Variants in SAMD9L observed in about 807,000 individuals in gnomAD.
The protein encoded by SAMD9L is sterile alpha motif domain-containing protein 9-like.
SAMD9L carries 68 observed loss-of-function variants against 90.7 expected under a neutral mutation model. The ratio of observed to expected loss-of-function variants is 0.75; its 90% CI spans 0.62 to 0.92. The LOEUF (loss-of-function observed/expected upper bound fraction) is 0.92, where lower values mean the gene tolerates loss of function less well. Ranked by LOEUF, SAMD9L falls within the 40% of genes least tolerant of loss-of-function variation. The pLI is 0.00. For missense variants in SAMD9L, 1,604 were observed against 1,824.3 expected, an observed-to-expected ratio of 0.88 and a Z score of 2.20; for synonymous variants, 640 against 630.1, an observed-to-expected ratio of 1.02 and a Z score of -0.23.
Position 93,134,638 on chromosome 7 carries a change from T to G in SAMD9L, c.1334A>C (p.Glu445Ala). The G allele has an allele frequency of 6.2e-7, 1 of 1,614,008 alleles. No individual in the cohort carries two copies. ...ATTGATCATAGATTCAGGATCAAAC[T>G]CCAACACAGCAAACCATTTAATTTC... The part of the protein sequence containing the change: ...LKEIKWFAVL[E>A]FDPESMINGV... Residue 445 changes from glutamate to alanine, a missense_variant, in exon 5 of 5, where the codon GAG becomes GCG. Physicochemically the swap from Glu to Ala is moderately radical, Grantham distance 107. Coordinates refer to ENST00000318238, the MANE Select transcript of SAMD9L (RefSeq NM_152703.5).
chr7:93,143,307 C>A (rs1451847252), intron 4 of SAMD9L, among the ~76,000 whole-genome samples: 1 of 152,038 alleles, frequency 6.6e-6, no homozygotes, highest in Non-Finnish European at 1.5e-5. Flanking sequence ...CCCTCCACAC[C>A]CTGACTGGAG....
chr7:93,140,054 C>T (rs559477044), intron 4 of SAMD9L, among the ~76,000 whole-genome samples: 2 of 152,264 alleles, frequency 1.3e-5, no homozygotes, highest in African/African-American at 4.8e-5. Flanking sequence ...CCCACTCAGT[C>T]CCCACTCAGT....
Position 93,135,032 on chromosome 7 carries a change from A to G in SAMD9L, c.940T>C (p.Ser314Pro). Residue 314 changes from serine (S) to proline (P), a missense_variant, in exon 5 of 5, where the codon TCT (serine) becomes CCT (proline). Physicochemically the swap from Ser to Pro is moderately conservative, Grantham distance 74. Coordinates refer to ENST00000318238, the MANE Select transcript of SAMD9L (RefSeq NM_152703.5). ...TAGAAATACTTATCATTACATATAG[A>G]GTGTTTTGGAATAGTATCAACTTCA... ...VIEVDTIPKH[S>P]ICNDKYFYIQ... is the part of the protein sequence containing the mutation. 6.2e-7 allele frequency: 1 copy of G among 1,612,058 alleles called. No homozygotes were observed. Among genetic ancestry groups the G allele is most frequent in the South Asian group, 1.1e-5 (1 of 91,030 alleles).
rs1792157660 is a variant in SAMD9L, at chr7:93,132,377, C to T, written c.3595G>A (p.Gly1199Ser). Reference sequence around the variant, plus strand: ...GTGTAAAGACCAACTTCTATTTCACCCAAGAAACAAGCTGTGTTATACATG... The same window carrying T: ...GTGTAAAGACCAACTTCTATTTCACTCAAGAAACAAGCTGTGTTATACATG... Reference protein sequence around the residue: ...YDMYNTACFLGEIEVGLYTIQ... With the variant: ...YDMYNTACFLSEIEVGLYTIQ... Residue 1199 changes from glycine to serine, a missense_variant, in exon 5 of 5, where the codon GGT becomes AGT. Physicochemically the swap from Gly to Ser is moderately conservative, Grantham distance 56. Transcript: ENST00000318238. The T allele has an allele frequency of 6.2e-7, 1 of 1,613,644 alleles. No individual in the cohort carries two copies. Among genetic ancestry groups the T allele is most frequent in the Admixed American group, 1.7e-5 (1 of 59,946 alleles).
At position 93,134,784 on chromosome 7, in the gene SAMD9L, T is replaced by C; in HGVS notation, c.1188A>G (p.Leu396=). Reference sequence around the variant, plus strand: ...TTCCTATGAGAAGTTTAACCAGCTTTAGTCCTTCACTCTCCTTCTTCATTG... The same window carrying C: ...TTCCTATGAGAAGTTTAACCAGCTTCAGTCCTTCACTCTCCTTCTTCATTG... The part of the protein sequence containing the change: ...MKAMKKESEG[L]KLVKLLIGNR... The change falls in exon 5 of 5, where the codon CTA becomes CTG. Residue 396 remains leucine (L), a synonymous_variant. Transcript: ENST00000318238. 2 of 1,613,450 alleles carry C rather than the reference T, an allele frequency of 1.2e-6. No individual in the cohort carries two copies. Among genetic ancestry groups the C allele is most frequent in the Non-Finnish European group, 1.7e-6 (2 of 1,179,898 alleles).
chr7:93,133,242 T>C lies in SAMD9L; in HGVS notation c.2730A>G (p.Lys910=). 6.2e-7 allele frequency: 1 copy of C among 1,613,062 alleles called. No individual in the cohort carries two copies. The highest frequency in any genetic ancestry group is 8.5e-7 in the Non-Finnish European group (1 of 1,179,454). Residue 910 remains lysine, a synonymous_variant, in exon 5 of 5, where the codon AAA becomes AAG. Transcript: ENST00000318238. ...YIENVVRNIL[K]GQDVDSKEAQ... ...CTTCCTTGCTGTCAACATCCTGTCC[T>C]TTTAGGATATTCCTGACTACATTTT...
Position 93,132,817 on chromosome 7 carries a change from T to C in SAMD9L, c.3155A>G (p.Asp1052Gly), listed in dbSNP as rs1337589795. 4 of 1,613,792 alleles carry C rather than the reference T, an allele frequency of 2.5e-6. No homozygotes were observed. Among genetic ancestry groups the C allele is most frequent in the Non-Finnish European group, 3.4e-6 (4 of 1,179,794 alleles). The change falls in exon 5 of 5, where the codon GAC becomes GGC. Residue 1052 changes from aspartate to glycine, a missense_variant. Asp to Gly is a moderately conservative substitution (Grantham distance 94). Coordinates refer to ENST00000318238, the MANE Select transcript of SAMD9L (RefSeq NM_152703.5). ...RQRKVYGDET[D>G]TLFSPLMEAL... is the part of the protein sequence containing the mutation. ...TTCCATTAATGGGGAAAACAGAGTGTCTGTTTCATCTCCATACACCTTGCG... is the reference window on the plus strand; with the variant it reads ...TTCCATTAATGGGGAAAACAGAGTGCCTGTTTCATCTCCATACACCTTGCG...
Position 93,147,015 on chromosome 7 carries a change from G to A in SAMD9L, c.-911C>T, listed in dbSNP as rs1792918951. ...TTTGCTGTTTTCACCCTCTGCCTTT[G>A]CTGGGAAGCTGCTCTTCTGGCAAGG... is the stretch of plus-strand genomic sequence containing the variant. On this transcript the variant is annotated 5_prime_UTR_variant, in exon 2 of 5. Coordinates refer to ENST00000318238, the MANE Select transcript of SAMD9L (RefSeq NM_152703.5). The A allele has an allele frequency of 6.6e-6, 1 of 152,162 alleles. No homozygotes were observed. Among genetic ancestry groups the A allele is most frequent in the Non-Finnish European group, 1.5e-5 (1 of 68,060 alleles). The allele number at this position is 152,162 out of a possible 1,614,324, so 9.4% of individuals were successfully genotyped here.
intron 4 of SAMD9L, among the ~76,000 whole-genome samples, chr7:93,141,712 T>C (rs1792697122): frequency 6.6e-6 from 1 of 152,196 alleles, no homozygotes; most frequent in Non-Finnish European, 1.5e-5. Flanking sequence ...TGGATTATTT[T>C]TGTTACCTGG....
chr7:93,132,206 G>T lies in SAMD9L; in HGVS notation c.3766C>A (p.His1256Asn). 1 of 1,613,700 alleles carries T rather than the reference G, an allele frequency of 6.2e-7. No individual in the cohort carries two copies. Among genetic ancestry groups the T allele is most frequent in the Non-Finnish European group, 8.5e-7 (1 of 1,179,858 alleles). ...AGATCTGATTGTAAATTTTTTAGGTGGGATGTGAACTTGCTAAGAGCCAAA... is the reference window on the plus strand; with the variant it reads ...AGATCTGATTGTAAATTTTTTAGGTTGGATGTGAACTTGCTAAGAGCCAAA... Reference protein sequence around the residue: ...CYLALSKFTSHLKNLQSDLKR... With the variant: ...CYLALSKFTSNLKNLQSDLKR... The change falls in exon 5 of 5, where the codon CAC (histidine) becomes AAC (asparagine). Residue 1256 changes from histidine to asparagine, a missense_variant. By Grantham distance (68) the His-to-Asn change is moderately conservative. Around this residue, in one of 7 missense-constraint regions of SAMD9L, gnomAD observed 302 missense variants for 314.7 expected, o/e 0.96. Transcript: ENST00000318238.
At chr7:93,142,012 A>G (rs1329380345) in intron 4 of SAMD9L, among the ~76,000 whole-genome samples, 1 of 152,192 alleles carries the variant, frequency 6.6e-6, no homozygotes, top group Non-Finnish European at 1.5e-5. Flanking sequence ...CATGGCAGCC[A>G]TGCAGCTACA....
rs1318289427 is a variant in SAMD9L, at chr7:93,134,126, G to T, written c.1846C>A (p.Leu616Met). 6.2e-7 allele frequency: 1 copy of T among 1,613,732 alleles called. No homozygotes were observed. Among genetic ancestry groups the T allele is most frequent in the African/African-American group, 1.3e-5 (1 of 74,866 alleles). The change falls in exon 5 of 5, where the codon CTG (leucine) becomes ATG (methionine). Residue 616 changes from leucine (L) to methionine (M), a missense_variant. By Grantham distance (15) the Leu-to-Met change is conservative. This residue lies in a region of SAMD9L where 606 missense variants were observed against 717.6 expected (regional missense o/e 0.84). Transcript: ENST00000318238. ...NHSISTLNIE[L>M]VNSTILKLKS... ...AGTTTAAGGATAGTGCTGTTTACCA[G>T]TTCTATATTTAAAGTGGAAATACTG...
rs761436777 is a variant in SAMD9L, at chr7:93,133,780, G to C, written c.2192C>G (p.Pro731Arg). ...LIHCWAESPK[P>R]IFAKIINLYH... ...AAGATTGATGATTTTTGCAAATATT[G>C]GTTTAGGAGACTCTGCCCAGCAGTG... The change falls in exon 5 of 5, where the codon CCA (proline) becomes CGA (arginine). Residue 731 changes from proline (P) to arginine (R), a missense_variant. Physicochemically the swap from Pro to Arg is moderately radical, Grantham distance 103. Coordinates refer to ENST00000318238, the MANE Select transcript of SAMD9L (RefSeq NM_152703.5). 2.5e-6 allele frequency: 4 copies of C among 1,613,670 alleles called. No individual in the cohort carries two copies. The highest frequency in any genetic ancestry group is 2.7e-5 in the African/African-American group (2 of 74,884).
chr7:93,132,814 G>A lies in SAMD9L; in HGVS notation c.3158C>T (p.Thr1053Ile), dbSNP rs1307734081. 6.2e-7 allele frequency: 1 copy of A among 1,613,758 alleles called. No homozygotes were observed. The highest frequency in any genetic ancestry group is 1.7e-4 in the Middle Eastern group (1 of 6,060). The change falls in exon 5 of 5, where the codon ACT (threonine) becomes ATT (isoleucine). Residue 1053 changes from threonine (T) to isoleucine (I), a missense_variant. Coordinates refer to ENST00000318238, the MANE Select transcript of SAMD9L (RefSeq NM_152703.5). ...AGCTTCCATTAATGGGGAAAACAGA[G>A]TGTCTGTTTCATCTCCATACACCTT... Reference protein sequence around the residue: ...QRKVYGDETDTLFSPLMEALQ... With the variant: ...QRKVYGDETDILFSPLMEALQ...
In SAMD9L at chr7:93,136,002, G is replaced by A. The variant is rs754657397; in HGVS notation, c.-20-11C>T. 1 of 1,487,006 alleles carries A rather than the reference G, an allele frequency of 6.7e-7. No homozygotes were observed. The highest frequency in any genetic ancestry group is 1.4e-5 in the South Asian group (1 of 70,930). The allele number at this position is 1,487,006 out of a possible 1,614,324, so 92.1% of individuals were successfully genotyped here. ...AGCTTCAACTTCTTCCTGAGACAAA[G>A]CAATATAATAAGTATTTTAGAATTA... On this transcript the variant is annotated splice_polypyrimidine_tract_variant and intron_variant, in intron 4 of 4. Transcript: ENST00000318238.
At chr7:93,138,404 T>C (rs1436802687) in intron 4 of SAMD9L, among the ~76,000 whole-genome samples, 1 of 150,530 alleles carries the variant, frequency 6.6e-6, no homozygotes, top group Non-Finnish European at 1.5e-5. Context: ...TTATTGTCCA[T>C]TGGAGAAGAT....
At position 93,134,751 on chromosome 7, in the gene SAMD9L, G is replaced by A. The variant is rs1276603654; in HGVS notation, c.1221C>T (p.Asp407=). The A allele has an allele frequency of 6.2e-7, 1 of 1,613,300 alleles. No individual in the cohort carries two copies. Among genetic ancestry groups the A allele is most frequent in the Non-Finnish European group, 8.5e-7 (1 of 1,179,938 alleles). ...KLVKLLIGNR[D]SLDNSYYDWY... ...AGTCATAGTATGAATTATCCAGTGA[G>A]TCTCGGTTTCCTATGAGAAGTTTAA... Residue 407 remains aspartate (D), a synonymous_variant, in exon 5 of 5, where the codon GAC becomes GAT. Transcript: ENST00000318238.
rs943212184 is a variant in SAMD9L, at chr7:93,130,182, G to A, written c.*1035C>T. ...AATGCTGCTTGAGACTGTTCTGGCT[G>A]TTGTGCATCTGAGAATGAGCTTCTG... On this transcript the variant is annotated 3_prime_UTR_variant, in exon 5 of 5. Transcript: ENST00000318238. 6 of 152,194 alleles carry A rather than the reference G, an allele frequency of 3.9e-5. No individual in the cohort carries two copies. Among genetic ancestry groups the A allele is most frequent in the Non-Finnish European group, 8.8e-5 (6 of 68,046 alleles). 9.4% of individuals were successfully genotyped at this position (152,194 alleles called of 1,614,324 possible).
Position 93,134,649 on chromosome 7 carries a change from A to G in SAMD9L, c.1323T>C (p.Phe441=), listed in dbSNP as rs975506016. The G allele has an allele frequency of 1.2e-6, 2 of 1,613,858 alleles. No individual in the cohort carries two copies. The highest frequency in any genetic ancestry group is 2.7e-5 in the African/African-American group (2 of 74,924). ...HLDFLKEIKW[F]AVLEFDPESM... is the part of the protein sequence containing the mutation. ...ATTCAGGATCAAACTCCAACACAGC[A>G]AACCATTTAATTTCTTTTAAAAAAT... The change falls in exon 5 of 5, where the codon TTT becomes TTC. Residue 441 remains phenylalanine (F), a synonymous_variant. Transcript: ENST00000318238.
Sources: gnomAD v4.1 joint callset for allele counts (sites outside exome capture counted in the v4.1 genomes callset) on GRCh38, gnomAD v4.1.1 for gene constraint, gnomAD v4.1.1 regional missense constraint, MANE v1.5 for transcripts, NCBI Gene and HGNC (gene_info 2026-07-23, HGNC 2026-07-21) for gene names.